Variants in CFAP52 observed in about 807,000 individuals in gnomAD.
CFAP52 encodes the protein cilia and flagella associated protein 52, also known as cilia- and flagella-associated protein 52.
A neutral mutation model predicts 70.5 loss-of-function variants in CFAP52; 57 were observed. The ratio of observed to expected loss-of-function variants is 0.81; its 90% confidence interval spans 0.65 to 1.01. The LOEUF is 1.01. Ranked by LOEUF, CFAP52 falls within the 50% of genes least tolerant of loss-of-function variation. The probability of loss-of-function intolerance (pLI) is 0.00; values close to 1 mark genes in which losing one functional copy is unlikely to be tolerated. For synonymous variants in CFAP52, 267 were observed against 292.5 expected (o/e 0.91, Z 0.89); for missense variants, 785 against 788.5 (o/e 1.00, Z 0.05).
At chr17:9,636,195 GAA>G (rs755544513) in intron 11 of CFAP52, among the ~76,000 whole-genome samples, 1 of 93,090 alleles carries the variant, frequency 1.1e-5, no homozygotes, top group Non-Finnish European at 2.0e-5. Context: ...AAGAAAGAAA[GAA>G]AGAAAGAAAG....
intron 4 of CFAP52, 98 bp downstream of exon 4, chr17:9,594,419 T>A: frequency 6.9e-7 from 1 of 1,455,414 alleles, no homozygotes; most frequent in Non-Finnish European, 9.2e-7. Context: ...ACGTCTTTAG[T>A]CCTGGATAAA....
chr17:9,605,050 T>C (rs1469041428), intron 6 of CFAP52, among the ~76,000 whole-genome samples: 1 of 152,128 alleles, frequency 6.6e-6, no homozygotes, highest in Non-Finnish European at 1.5e-5. Context: ...CTTGCAAAAT[T>C]AAACTTACTC....
chr17:9,598,142 G>A, intron 4 of CFAP52, 92 bp from the exon 5 acceptor site: 1 of 992,738 alleles, frequency 1.0e-6, no homozygotes, highest in Non-Finnish European at 1.5e-6. Flanking sequence ...CCTCAAAAAT[G>A]TTTAGATCTC....
At chr17:9,578,861 G>A (rs1259044233) in intron 1 of CFAP52, among the ~76,000 whole-genome samples, 1 of 152,124 alleles carries the variant, frequency 6.6e-6, no homozygotes, top group South Asian at 2.1e-4. Flanking sequence ...GTGGAGGGGT[G>A]CATGGCCTTA....
chr17:9,585,939 C>T lies in CFAP52; in HGVS notation c.237C>T (p.Ile79=), dbSNP rs199772187. 60 of 1,613,716 alleles carry T rather than the reference C, an allele frequency of 3.7e-5. No individual in the cohort carries two copies. The Middle Eastern group carries it at 2.1e-3, about 58-fold the overall frequency. ...CLAISRSGEY[I]ASGQVTFMGF... is the part of the protein sequence containing the mutation. ...CCATCTCCAGGTCTGGAGAGTACAT[C>T]GCCTCCGGACAAGTCACATTCATGG... Residue 79 remains isoleucine (I), a synonymous_variant, in exon 2 of 14, where the codon ATC becomes ATT. Transcript: ENST00000352665.
chr17:9,586,395 C>T (rs1908478197), intron 2 of CFAP52, among the ~76,000 whole-genome samples: 1 of 151,952 alleles, frequency 6.6e-6, no homozygotes, highest in South Asian at 2.1e-4. Flanking sequence ...GAAACCCCAT[C>T]TCTACTAAAA....
In CFAP52 at chr17:9,643,085, G is replaced by A. The variant is rs762606736; in HGVS notation, c.1750G>A (p.Val584Met). Reference sequence around the variant, plus strand: ...TGAGGGTGAAGTGACTCACGTTGGGGTGGGACACAGTGGCAACATCACACG... The same window carrying A: ...TGAGGGTGAAGTGACTCACGTTGGGATGGGACACAGTGGCAACATCACACG... ...YNEGEVTHVG[V>M]GHSGNITRIR... The change falls in exon 14 of 14, where the codon GTG becomes ATG. Residue 584 changes from valine (V) to methionine (M), a missense_variant. Transcript: ENST00000352665. 1 of 1,613,186 alleles carries A rather than the reference G, an allele frequency of 6.2e-7. No individual in the cohort carries two copies. The highest frequency in any genetic ancestry group is 8.5e-7 in the Non-Finnish European group (1 of 1,179,644).
At chr17:9,596,744 T>C (rs1194708858) in intron 4 of CFAP52, among the ~76,000 whole-genome samples, 1 of 151,674 alleles carries the variant, frequency 6.6e-6, no homozygotes, top group African/African-American at 2.4e-5. Flanking sequence ...AGATGGAGTT[T>C]TGCTCTTGTT....
At chr17:9,592,488 A>G (rs1597770206) in intron 3 of CFAP52, among the ~76,000 whole-genome samples, 1 of 152,240 alleles carries the variant, frequency 6.6e-6, no homozygotes, top group African/African-American at 2.4e-5. Context: ...TAAAAAATAA[A>G]AAGAAACCCC....
At chr17:9,630,639 C>T (rs1318702021) in intron 9 of CFAP52, among the ~76,000 whole-genome samples, 4 of 150,478 alleles carry the variant, frequency 2.7e-5, no homozygotes, top group Admixed American at 6.6e-5. Context: ...ACCGTGTTAG[C>T]CAGGATGGTC....
chr17:9,602,701 A>T (rs1271214838), intron 6 of CFAP52, among the ~76,000 whole-genome samples: 2 of 152,242 alleles, frequency 1.3e-5, no homozygotes, highest in African/African-American at 4.8e-5. Context: ...ACTGTCTTCC[A>T]CAATGGCTGA....
At chr17:9,596,099 A>ATATATC (rs1909007357) in intron 4 of CFAP52, among the ~76,000 whole-genome samples, 1 of 137,616 alleles carries the variant, frequency 7.3e-6, no homozygotes, top group Non-Finnish European at 1.6e-5. Context: ...ATATATATAT[A>ATATATC]TATGTACACA....
intron 2 of CFAP52, 112 bp from the exon 3 acceptor site, chr17:9,586,584 AAG>A: frequency 2.5e-5 from 33 of 1,328,750 alleles, no homozygotes; most frequent in South Asian, 8.9e-5. Context: ...AAAAAAAAAA[AAG>A]AAAGAAAAAA....
chr17:9,632,269 AT>A (rs1910580727), intron 9 of CFAP52, among the ~76,000 whole-genome samples: 1 of 129,414 alleles, frequency 7.7e-6, no homozygotes, highest in African/African-American at 3.0e-5. Context: ...TTTTTTTCAT[AT>A]TTTTTGTAGA....
chr17:9,630,541 T>C (rs949599801), intron 9 of CFAP52, among the ~76,000 whole-genome samples: 1 of 149,138 alleles, frequency 6.7e-6, no homozygotes, highest in South Asian at 2.2e-4. Context: ...GCCATTCTCC[T>C]GCCTCAGCCT....
At chr17:9,622,833 A>G (rs1462593184) in intron 8 of CFAP52, among the ~76,000 whole-genome samples, 1 of 152,144 alleles carries the variant, frequency 6.6e-6, no homozygotes, top group Non-Finnish European at 1.5e-5. Context: ...CACCCCTTCC[A>G]ATCACTACCC....
At chr17:9,615,538 T>C (rs1909868815) in intron 8 of CFAP52, among the ~76,000 whole-genome samples, 1 of 152,174 alleles carries the variant, frequency 6.6e-6, no homozygotes, top group Admixed American at 6.6e-5. Flanking sequence ...TCATGTTTTA[T>C]TTGGTTCCGT....
At position 9,601,520 on chromosome 17, in the gene CFAP52, A is replaced by G. The variant is rs559905341; in HGVS notation, c.753+1337A>G. Among the ~76,000 whole-genome samples, 3 of 152,342 alleles carry G rather than the reference A, an allele frequency of 2.0e-5. No individual in the cohort carries two copies. In the East Asian group the frequency reaches 5.8e-4, roughly 29 times the overall value. ...GTTGGTTCCAGCCCCATTGCCATAC[A>G]TAAGAGAAGTGTGCTCTTTGATCTA... is the stretch of plus-strand genomic sequence containing the variant. On this transcript the variant is annotated intron_variant, in intron 6 of 13. Coordinates refer to ENST00000352665, the MANE Select transcript of CFAP52 (RefSeq NM_145054.5).
Position 9,628,778 on chromosome 17 carries a change from C to T in CFAP52, c.1132C>T (p.His378Tyr). Residue 378 changes from histidine (H) to tyrosine (Y), a missense_variant, in exon 9 of 14, where the codon CAC becomes TAC. His to Tyr is a moderately conservative substitution (Grantham distance 83). Transcript: ENST00000352665. The part of the protein sequence containing the change: ...LRITVPNMTC[H>Y]GIDFMRDGKS... ...GATCACCGTGCCCAACATGACCTGC[C>T]ACGGCATCGACTTCATGAGGGACGG... 1 of 1,614,120 alleles carries T rather than the reference C, an allele frequency of 6.2e-7. No individual in the cohort carries two copies. The highest frequency in any genetic ancestry group is 8.5e-7 in the Non-Finnish European group (1 of 1,180,022).
Sources: allele counts gnomAD v4.1 joint callset (sites outside exome capture counted in the v4.1 genomes callset), GRCh38; gene constraint gnomAD v4.1.1; transcripts MANE v1.5; gene names NCBI Gene and HGNC (gene_info 2026-07-23, HGNC 2026-07-21).